The following UBE3B variants were observed in gnomAD, a reference collection of about 807,000 sequenced individuals.
The protein encoded by UBE3B is ubiquitin protein ligase E3B.
A neutral mutation model predicts 132.3 loss-of-function variants in UBE3B; 80 were observed. The observed-to-expected ratio is 0.60, with a 90% CI of 0.50 to 0.73. The LOEUF (loss-of-function observed/expected upper bound fraction) is 0.73, where lower values mean the gene tolerates loss of function less well. UBE3B is among the 30% of genes least tolerant of loss of function. UBE3B has a pLI of 0.00. For missense variants in UBE3B, 1,196 were observed against 1,362.5 expected (o/e 0.88, Z 1.92); for synonymous variants, 487 against 520.4 (o/e 0.94, Z 0.87).
At chr12:109,538,154 A>G (rs1883521574), downstream of UBE3B, among the ~76,000 whole-genome samples, 1 of 152,264 alleles carries the variant, frequency 6.6e-6, no homozygotes, top group African/African-American at 2.4e-5. The surrounding 1 kb of genome is among the most constrained non-coding windows in gnomAD (Gnocchi z 4.1). Flanking sequence ...ATTAGCTGGA[A>G]CAGAGTTTGA....
At chr12:109,529,436 T>G (rs2136121519) in intron 24 of UBE3B, among the ~76,000 whole-genome samples, 1 of 152,366 alleles carries the variant, frequency 6.6e-6, no homozygotes, top group Admixed American at 6.5e-5. Context: ...AAGGTTTTGA[T>G]TAAAGTTTTG....
At position 109,501,438 on chromosome 12, in the gene UBE3B, ATCT is replaced by A. The variant is rs1566088862; in HGVS notation, c.1193_1195del (p.Phe398del). 2.5e-6 allele frequency: 4 copies of A among 1,614,072 alleles called. No homozygotes were observed. The highest frequency in any genetic ancestry group is 1.1e-5 in the South Asian group (1 of 91,064). On this transcript the variant is annotated inframe_deletion, in exon 13 of 28. Transcript: ENST00000342494. ...CTTGTGGGGGGTGCCTCTGATCCGG[ATCT>A]TCTTCTGTGACATCCTGAGCAAGAA...
At chr12:109,489,541 G>A (rs1877074771) in intron 7 of UBE3B, among the ~76,000 whole-genome samples, 1 of 152,204 alleles carries the variant, frequency 6.6e-6, no homozygotes, top group Non-Finnish European at 1.5e-5. Context: ...AAATTGTTCA[G>A]TTCTGGGCCC....
At chr12:109,501,249 C>A in intron 12 of UBE3B, 122 bp from the exon 13 acceptor site, 1 of 1,190,070 alleles carries the variant, frequency 8.4e-7, no homozygotes, top group Non-Finnish European at 1.2e-6. Flanking sequence ...ATCTTCTTTG[C>A]CATGTTGAGT....
At chr12:109,539,211 G>A (rs1883554769), downstream of UBE3B, among the ~76,000 whole-genome samples, 1 of 152,220 alleles carries the variant, frequency 6.6e-6, no homozygotes, top group Non-Finnish European at 1.5e-5. Context: ...ACTCCAGCTT[G>A]GGTGACAGAA....
intron 3 of UBE3B, 59 bp downstream of exon 3, chr12:109,483,771 A>G (rs1003724603): frequency 6.3e-7 from 1 of 1,578,724 alleles, no homozygotes; most frequent in Non-Finnish European, 8.6e-7. Flanking sequence ...TAGCAGATAA[A>G]TGAGTTTTTT....
chr12:109,506,158 A>G (rs1239253345), intron 14 of UBE3B, among the ~76,000 whole-genome samples: 2 of 152,158 alleles, frequency 1.3e-5, no homozygotes, highest in South Asian at 2.1e-4. Context: ...ACAGTCATTG[A>G]CTGCATTTCC....
intron 23 of UBE3B, among the ~76,000 whole-genome samples, chr12:109,525,765 TAATATGAG>T (rs1882270299): frequency 6.6e-6 from 1 of 152,138 alleles, no homozygotes; most frequent in East Asian, 1.9e-4. Context: ...AAATTAGCTC[TAATATGAG>T]CAAAAGATGA....
chr12:109,533,018 G>A (rs1294675253), intron 26 of UBE3B, among the ~76,000 whole-genome samples: 3 of 152,294 alleles, frequency 2.0e-5, no homozygotes, highest in South Asian at 2.1e-4. Flanking sequence ...TTCGCACCAC[G>A]TGCAGTGGGT....
chr12:109,511,332 T>C (rs1566098006), intron 18 of UBE3B, 29 bp downstream of exon 18: 1 of 1,602,808 alleles, frequency 6.2e-7, no homozygotes, highest in Non-Finnish European at 8.5e-7. Context: ...TGGGCCCCGA[T>C]GTGTCTTTCT....
At chr12:109,516,084 A>T (rs1880998241) in intron 18 of UBE3B, among the ~76,000 whole-genome samples, 1 of 152,066 alleles carries the variant, frequency 6.6e-6, no homozygotes, top group Non-Finnish European at 1.5e-5. Flanking sequence ...CTAGATAAAG[A>T]AGGCTCTGTA....
downstream of UBE3B, among the ~76,000 whole-genome samples, chr12:109,540,894 G>A (rs926379598): frequency 6.6e-6 from 1 of 152,272 alleles, no homozygotes; most frequent in African/African-American, 2.4e-5. Context: ...GCCAGAGCAG[G>A]TGGTGAGGAG....
At chr12:109,479,401 C>T (rs1038441507) in intron 1 of UBE3B, among the ~76,000 whole-genome samples, 2 of 152,162 alleles carry the variant, frequency 1.3e-5, no homozygotes, top group Non-Finnish European at 2.9e-5. Flanking sequence ...CTTTCAGCAA[C>T]CCTAGGACAT....
chr12:109,486,314 G>C (rs1030683203), intron 5 of UBE3B, among the ~76,000 whole-genome samples, 157 bp from the exon 6 acceptor site: 3 of 152,158 alleles, frequency 2.0e-5, no homozygotes, highest in Non-Finnish European at 4.4e-5. Context: ...TTTGCGTTTA[G>C]TGTTAAAATA....
At chr12:109,527,091 T>C (rs561539818) in intron 24 of UBE3B, among the ~76,000 whole-genome samples, 2 of 152,098 alleles carry the variant, frequency 1.3e-5, no homozygotes, top group East Asian at 3.9e-4. Flanking sequence ...TCATTTTGGA[T>C]GATAGCACGT....
At chr12:109,491,732 A>G (rs1877492123) in intron 9 of UBE3B, 1 of 152,312 alleles carries the variant, frequency 6.6e-6, no homozygotes, top group African/African-American at 2.4e-5. Flanking sequence ...AGATGTTAAT[A>G]AAAGATCCTG....
In UBE3B at chr12:109,521,346, A is replaced by AGGGCTGAC. The variant is rs1566106922; in HGVS notation, c.2253+23_2253+30dup. On this transcript the variant is annotated intron_variant, in intron 20 of 27. Coordinates refer to ENST00000342494, the MANE Select transcript of UBE3B (RefSeq NM_130466.4). This position sits in a 1 kb window ranked among gnomAD's most constrained non-coding sequence, Gnocchi z 4.2. Reference sequence around the variant, plus strand: ...CAAGGTATTTAAGGGGAGCAACAGCAGGGCTGACAGCAGCCAGATTCAAGA... The same window carrying AGGGCTGAC: ...CAAGGTATTTAAGGGGAGCAACAGCAGGGCTGACGGGCTGACAGCAGCCAGATTCAAGA... 1 of 1,607,490 alleles carries AGGGCTGAC rather than the reference A, an allele frequency of 6.2e-7. No homozygotes were observed. Among genetic ancestry groups the AGGGCTGAC allele is most frequent in the Non-Finnish European group, 8.5e-7 (1 of 1,174,226 alleles).
chr12:109,501,340 G>A (rs199680941), intron 12 of UBE3B, 31 bp from the exon 13 acceptor site: 13 of 1,612,428 alleles, frequency 8.1e-6, no homozygotes, highest in Middle Eastern at 1.7e-4. Context: ...AGATGGAACT[G>A]ACAGACCAGG....
At chr12:109,530,136 G>T in intron 25 of UBE3B, 64 bp downstream of exon 25, 1 of 1,589,370 alleles carries the variant, frequency 6.3e-7, no homozygotes, top group Admixed American at 1.7e-5. Flanking sequence ...CTGCTCCCTC[G>T]CTGGGTTCCT....
Sources: gnomAD v4.1 joint callset for allele counts (sites outside exome capture counted in the v4.1 genomes callset) on GRCh38, gnomAD v4.1.1 for gene constraint, Gnocchi (gnomAD v3.1) non-coding constraint, MANE v1.5 for transcripts, NCBI Gene and HGNC (gene_info 2026-07-23, HGNC 2026-07-21) for gene names.